Variants in SGK1 observed in about 807,000 individuals in gnomAD.
SGK1 encodes the protein serum/glucocorticoid regulated kinase 1, also known as serine/threonine-protein kinase Sgk1.
Under a neutral mutation model 64.2 loss-of-function variants are expected in SGK1, and 26 were observed. That is an observed-to-expected ratio of 0.40 (90% CI 0.30 to 0.56). SGK1 has a LOEUF of 0.56. Ranked by LOEUF, SGK1 falls within the 20% of genes least tolerant of loss-of-function variation. SGK1 has a pLI of 0.38. For missense variants in SGK1, 519 were observed against 645.6 expected, an observed-to-expected ratio of 0.80 and a Z score of 2.12; for synonymous variants, 265 against 239.7, an observed-to-expected ratio of 1.11 and a Z score of -0.98.
At chr6:134,303,202 G>A (rs770097285) in intron 1 of SGK1, among the ~76,000 whole-genome samples, 1 of 151,888 alleles carries the variant, frequency 6.6e-6, no homozygotes, top group Non-Finnish European at 1.5e-5. Context: ...GTCCATCCTG[G>A]CTAACACGGT....
chr6:134,174,869 C>CA, intron 3 of SGK1: 1 of 1,609,556 alleles, frequency 6.2e-7, no homozygotes, highest in East Asian at 2.2e-5. Flanking sequence ...TATGCTGCGC[C>CA]AGGCCGCGCG....
intron 1 of SGK1, among the ~76,000 whole-genome samples, chr6:134,308,162 C>A (rs1160944879): frequency 6.6e-6 from 1 of 152,084 alleles, no homozygotes; most frequent in Non-Finnish European, 1.5e-5. Context: ...ACAGTACAAC[C>A]TAAATAAATA....
chr6:134,195,591 T>C (rs938301254), intron 3 of SGK1, among the ~76,000 whole-genome samples: 4 of 152,228 alleles, frequency 2.6e-5, no homozygotes, highest in Non-Finnish European at 4.4e-5. Context: ...CCCTACTCAC[T>C]GGAATAAATA....
chr6:134,178,047 A>T (rs1775275854), intron 3 of SGK1: 2 of 541,736 alleles, frequency 3.7e-6, no homozygotes, highest in Non-Finnish European at 6.5e-6. Flanking sequence ...CTCACAAATC[A>T]GTCCGGAAAA....
At chr6:134,228,919 C>A (rs1422999281) in intron 2 of SGK1, among the ~76,000 whole-genome samples, 1 of 149,102 alleles carries the variant, frequency 6.7e-6, no homozygotes. Flanking sequence ...TCTCCGTTCA[C>A]TGCAAGCTCC....
intron 2 of SGK1, among the ~76,000 whole-genome samples, chr6:134,217,958 A>G (rs1312967952): frequency 6.6e-6 from 1 of 152,068 alleles, no homozygotes; most frequent in Non-Finnish European, 1.5e-5. Flanking sequence ...AACCCACTTC[A>G]CTTATTTATG....
At chr6:134,256,551 C>A (rs895610718) in intron 2 of SGK1, among the ~76,000 whole-genome samples, 1 of 152,066 alleles carries the variant, frequency 6.6e-6, no homozygotes, top group African/African-American at 2.4e-5. Context: ...CTAAAGGTGC[C>A]GTGGGAGATA....
chr6:134,194,495 TAAATTCAA>T (rs1468331220), intron 3 of SGK1, among the ~76,000 whole-genome samples: 14 of 151,806 alleles, frequency 9.2e-5, no homozygotes, highest in African/African-American at 3.4e-4. Context: ...AATAAGCTGT[TAAATTCAA>T]TTTGTCAAAA....
intron 2 of SGK1, among the ~76,000 whole-genome samples, chr6:134,243,594 C>A (rs1421670541): frequency 6.6e-6 from 1 of 152,294 alleles, no homozygotes; most frequent in East Asian, 1.9e-4. Context: ...GTCTCGAACT[C>A]CTGGCCTCAG....
intron 3 of SGK1, among the ~76,000 whole-genome samples, chr6:134,197,818 C>T (rs1322406609): frequency 6.8e-6 from 1 of 147,362 alleles, no homozygotes; most frequent in Non-Finnish European, 1.5e-5. Flanking sequence ...CAAAGCAAGA[C>T]TCCATCTCAA....
At chr6:134,191,706 T>C (rs189172357) in intron 3 of SGK1, among the ~76,000 whole-genome samples, 103 of 151,836 alleles carry the variant, frequency 6.8e-4, no homozygotes, top group Middle Eastern at 6.8e-3. Context: ...TCTCACTCTG[T>C]CGCCCAGGCT....
intron 2 of SGK1, among the ~76,000 whole-genome samples, chr6:134,208,742 A>G (rs559344682): frequency 0.17 from 17,260 of 99,614 alleles, 1,170 homozygotes; most frequent in African/African-American, 0.2. Context: ...TATTCCATGT[A>G]TGCGTATATA....
In SGK1 at chr6:134,170,895, G is replaced by C; in HGVS notation, c.1344C>G (p.Val448=). The C allele has an allele frequency of 6.2e-7, 1 of 1,611,914 alleles. No individual in the cohort carries two copies. The highest frequency in any genetic ancestry group is 8.5e-7 in the Non-Finnish European group (1 of 1,178,076). The stretch of plus-strand genomic sequence containing the variant: ...CATCCCAGTTAATTAAGGAGAAGAA[G>C]ACATGACTCTTAATCTCCATCTGTT... ...KDDFMEIKSH[V]FFSLINWDDL... The change falls in exon 13 of 14, where the codon GTC becomes GTG. Residue 448 remains valine (V), a synonymous_variant. Transcript: ENST00000367858.
intron 3 of SGK1, 71 bp downstream of exon 3, chr6:134,207,284 CT>C: frequency 1.0e-6 from 1 of 952,498 alleles, no homozygotes; most frequent in Non-Finnish European, 1.6e-6. Context: ...CAAACCTTGC[CT>C]TTGTGTAGAG....
chr6:134,281,322 C>T (rs1038386086), intron 1 of SGK1, among the ~76,000 whole-genome samples: 2 of 152,138 alleles, frequency 1.3e-5, no homozygotes, highest in Non-Finnish European at 1.5e-5. Flanking sequence ...CTAATTTAAT[C>T]TCTAAATCTA....
Position 134,207,418 on chromosome 6 carries a change from C to T in SGK1, c.299G>A (p.Cys100Tyr). ...TQSGCEVREP[C>Y]NHANILTKPD... ...CTTGGTCAGGATGTTGGCATGATTA[C>T]ATGGCTCTCTCACCTTTAAAACATA... The change falls in exon 3 of 14, where the codon TGT becomes TAT. Residue 100 changes from cysteine (C) to tyrosine (Y), a missense_variant. Coordinates refer to ENST00000367858, the MANE Select transcript of SGK1 (RefSeq NM_001143676.3). 2 of 1,609,942 alleles carry T rather than the reference C, an allele frequency of 1.2e-6. No individual in the cohort carries two copies. Among genetic ancestry groups the T allele is most frequent in the Non-Finnish European group, 1.7e-6 (2 of 1,176,432 alleles).
chr6:134,238,047 T>G (rs1177025744), intron 2 of SGK1, among the ~76,000 whole-genome samples: 1 of 152,184 alleles, frequency 6.6e-6, no homozygotes, highest in Non-Finnish European at 1.5e-5. Context: ...TTTTTTAGAG[T>G]ATAATTGTTC....
intron 1 of SGK1, among the ~76,000 whole-genome samples, chr6:134,302,192 A>G (rs1165523316): frequency 1.3e-5 from 2 of 152,176 alleles, no homozygotes; most frequent in Non-Finnish European, 2.9e-5. Context: ...TTAGGTCAAA[A>G]CTCATCAATA....
intron 1 of SGK1, among the ~76,000 whole-genome samples, chr6:134,304,657 G>C (rs1289133374): frequency 2.0e-5 from 3 of 151,784 alleles, no homozygotes; most frequent in Admixed American, 2.0e-4. Context: ...AGCAATCATC[G>C]CACCACTACT....
Sources: gnomAD v4.1 joint callset for allele counts (sites outside exome capture counted in the v4.1 genomes callset) on GRCh38, gnomAD v4.1.1 for gene constraint, MANE v1.5 for transcripts, NCBI Gene and HGNC (gene_info 2026-07-23, HGNC 2026-07-21) for gene names.